Variants in SEMA5A observed in about 807,000 individuals in gnomAD.
SEMA5A encodes semaphorin-5A.
SEMA5A carries 55 observed loss-of-function variants against 135.5 expected under a neutral mutation model. That is an observed-to-expected ratio of 0.41 (90% CI 0.33 to 0.51). The LOEUF (loss-of-function observed/expected upper bound fraction) is 0.51. Ranked by LOEUF, SEMA5A falls within the 20% of genes least tolerant of loss-of-function variation. The pLI is 0.37. For missense variants in SEMA5A, 1,290 were observed against 1,419.9 expected (o/e 0.91, Z 1.47); for synonymous variants, 580 against 546.5 (o/e 1.06, Z -0.85).
chr5:9,432,740 C>A (rs1282579928), intron 2 of SEMA5A, among the ~76,000 whole-genome samples: 1 of 152,176 alleles, frequency 6.6e-6, no homozygotes, highest in South Asian at 2.1e-4. Context: ...ACTGCACAAA[C>A]GAGGACATCT....
intron 11 of SEMA5A, among the ~76,000 whole-genome samples, chr5:9,157,593 C>G (rs1047322604): frequency 5.9e-5 from 9 of 152,174 alleles, no homozygotes; most frequent in Non-Finnish European, 1.5e-5. Flanking sequence ...CTCTGTCACC[C>G]ACATCTCACT....
In SEMA5A at chr5:9,482,927, C is replaced by G. The variant is rs142976908; in HGVS notation, c.-174-45075G>C. 5.4e-3 allele frequency among the ~76,000 whole-genome samples: 820 copies of G among 152,298 alleles called. 1 individual carries two copies. Among genetic ancestry groups the G allele is most frequent in the Non-Finnish European group, 7.9e-3 (537 of 68,012 alleles). On this transcript the variant is annotated intron_variant, in intron 1 of 22. Coordinates refer to ENST00000382496, the MANE Select transcript of SEMA5A (RefSeq NM_003966.3). ...GTTTCCTTTGTCACTCCCAATTCTG[C>G]TCTGTGAAATTCTTAGGAATTTAAA... is the stretch of plus-strand genomic sequence containing the variant.
intron 22 of SEMA5A, among the ~76,000 whole-genome samples, chr5:9,044,051 A>G (rs1736105653): frequency 6.6e-6 from 1 of 152,154 alleles, no homozygotes; most frequent in Non-Finnish European, 1.5e-5. Flanking sequence ...CAGATCTACC[A>G]TCTGAGTGAG....
chr5:9,346,527 G>A (rs1228418563), intron 3 of SEMA5A, among the ~76,000 whole-genome samples: 1 of 152,306 alleles, frequency 6.6e-6, no homozygotes, highest in Non-Finnish European at 1.5e-5. Context: ...AGGGGTCACA[G>A]GTTCCCCACT....
chr5:9,243,828 TG>T (rs1360899873), intron 5 of SEMA5A, among the ~76,000 whole-genome samples: 1 of 152,206 alleles, frequency 6.6e-6, no homozygotes, highest in East Asian at 1.9e-4. Context: ...ACTACTCTCC[TG>T]CTATTTAAAT....
chr5:9,481,904 C>T (rs1008022944), intron 1 of SEMA5A, among the ~76,000 whole-genome samples: 2 of 152,172 alleles, frequency 1.3e-5, no homozygotes, highest in Admixed American at 6.5e-5. Flanking sequence ...CTGTCTGTCG[C>T]AGGCCTTGGA....
intron 1 of SEMA5A, among the ~76,000 whole-genome samples, chr5:9,466,844 T>C (rs558701355): frequency 6.6e-6 from 1 of 152,352 alleles, no homozygotes; most frequent in Non-Finnish European, 1.5e-5. Flanking sequence ...CTCTTCAAAG[T>C]CATTGCCAAG....
chr5:9,052,170 G>A, intron 19 of SEMA5A, 142 bp from the exon 20 acceptor site: 1 of 920,028 alleles, frequency 1.1e-6, no homozygotes. Flanking sequence ...TCAGTAAGAT[G>A]TAGTTGTATC....
Position 9,036,968 on chromosome 5 carries a change from A to G in SEMA5A, c.*5929T>C, listed in dbSNP as rs941593845. The G allele has an allele frequency of 1.3e-5, 2 of 152,346 alleles. No homozygotes were observed. The highest frequency in any genetic ancestry group is 2.9e-5 in the Non-Finnish European group (2 of 68,036). The allele number at this position is 152,346 out of a possible 1,614,324, so 9.4% of individuals were successfully genotyped here. A position where few individuals can be genotyped will look rare whatever the true frequency, so the allele number is the denominator to read the frequency against. ...ATTTTGCTCTCAGCTTGTATTTATC[A>G]AACATTTGAATCATTTTATTACTGC... On this transcript the variant is annotated 3_prime_UTR_variant, in exon 23 of 23. Coordinates refer to ENST00000382496, the MANE Select transcript of SEMA5A (RefSeq NM_003966.3).
At chr5:9,198,539 C>T (rs1017303988) in intron 9 of SEMA5A, among the ~76,000 whole-genome samples, 4 of 152,150 alleles carry the variant, frequency 2.6e-5, no homozygotes, top group African/African-American at 9.7e-5. Flanking sequence ...AGACAGTAAA[C>T]ACATCCTTAT....
At chr5:9,070,040 A>G (rs1010255811) in intron 16 of SEMA5A, among the ~76,000 whole-genome samples, 2 of 152,098 alleles carry the variant, frequency 1.3e-5, no homozygotes, top group East Asian at 1.9e-4. Flanking sequence ...CTGGCCAGAT[A>G]AGAATCCTGG....
chr5:9,235,800 CAAG>C (rs759023643), intron 6 of SEMA5A, among the ~76,000 whole-genome samples: 2 of 152,094 alleles, frequency 1.3e-5, no homozygotes, highest in Non-Finnish European at 2.9e-5. Context: ...AAGATAAAGA[CAAG>C]AAGAAAGAGT....
intron 12 of SEMA5A, among the ~76,000 whole-genome samples, chr5:9,137,410 C>T (rs1741819464): frequency 6.6e-6 from 1 of 152,118 alleles, no homozygotes; most frequent in Non-Finnish European, 1.5e-5. Flanking sequence ...ACTACATGGG[C>T]ATTATTAGAT....
Position 9,379,835 on chromosome 5 carries a change from T to C in SEMA5A, c.112A>G (p.Ile38Val), listed in dbSNP as rs1443271073. The C allele has an allele frequency of 6.2e-7, 1 of 1,614,034 alleles. No homozygotes were observed. The highest frequency in any genetic ancestry group is 1.3e-5 in the African/African-American group (1 of 75,018). Reference sequence around the variant, plus strand: ...GCTGGTTCCTTACCTTTATAGGAGATGACTGGATGCTCGGTTCTCTGGCAC... The same window carrying C: ...GCTGGTTCCTTACCTTTATAGGAGACGACTGGATGCTCGGTTCTCTGGCAC... The part of the protein sequence containing the change: ...TQCQRTEHPV[I>V]SYKEIGPWLR... The change falls in exon 3 of 23, where the codon ATC (isoleucine) becomes GTC (valine). Residue 38 changes from isoleucine to valine, a missense_variant. By Grantham distance (29) the Ile-to-Val change is conservative (BLOSUM62 3). This residue lies in a region of SEMA5A where 116 missense variants were observed against 121.3 expected (regional missense o/e 0.96). Coordinates refer to ENST00000382496, the MANE Select transcript of SEMA5A (RefSeq NM_003966.3).
chr5:9,209,387 A>T (rs1316986563), intron 8 of SEMA5A, among the ~76,000 whole-genome samples: 1 of 152,114 alleles, frequency 6.6e-6, no homozygotes, highest in Non-Finnish European at 1.5e-5. Context: ...CGCCATGTTC[A>T]TTTTTCTCTG....
intron 12 of SEMA5A, among the ~76,000 whole-genome samples, chr5:9,147,884 A>G (rs1742428406): frequency 6.6e-6 from 1 of 152,212 alleles, no homozygotes; most frequent in South Asian, 2.1e-4. Context: ...GGAGAGGCAG[A>G]ATGTCCATTT....
chr5:9,157,992 T>C (rs1182719029), intron 11 of SEMA5A, among the ~76,000 whole-genome samples: 1 of 152,244 alleles, frequency 6.6e-6, no homozygotes, highest in Non-Finnish European at 1.5e-5. Flanking sequence ...TTTTTACACT[T>C]GATCTTAGGC....
At chr5:9,318,625 A>C (rs979144630) in intron 4 of SEMA5A, among the ~76,000 whole-genome samples, 2 of 152,204 alleles carry the variant, frequency 1.3e-5, no homozygotes, top group Non-Finnish European at 2.9e-5. Flanking sequence ...ATTGGTGAGA[A>C]AGCTAACGAA....
intron 1 of SEMA5A, among the ~76,000 whole-genome samples, chr5:9,510,984 T>G (rs1483084474): frequency 6.6e-6 from 1 of 152,230 alleles, no homozygotes; most frequent in Non-Finnish European, 1.5e-5. Context: ...CATTGTTGTC[T>G]TAGGCCATTC....
Sources: allele counts gnomAD v4.1 joint callset (sites outside exome capture counted in the v4.1 genomes callset), GRCh38; gene constraint gnomAD v4.1.1; regional missense constraint gnomAD v4.1.1; transcripts MANE v1.5; gene names NCBI Gene and HGNC (gene_info 2026-07-23, HGNC 2026-07-21).